PDIA5: variants seen among roughly 807,000 people sequenced by gnomAD.
PDIA5 encodes the protein protein disulfide isomerase family A member 5.
In PDIA5, 58 loss-of-function variants were observed where a neutral mutation model predicts 77.6. The observed-to-expected ratio is 0.75, with a 90% CI of 0.61 to 0.93. PDIA5 has a LOEUF of 0.93. Among genes scored for constraint, PDIA5 ranks in the 40% least tolerant of loss-of-function variants. The probability of loss-of-function intolerance (pLI) is 0.00; values close to 1 mark genes in which losing one functional copy is unlikely to be tolerated. For synonymous variants in PDIA5, 250 were observed against 252.1 expected, an observed-to-expected ratio of 0.99 and a Z score of 0.08; for missense variants, 630 against 647.7, an observed-to-expected ratio of 0.97 and a Z score of 0.30.
intron 5 of PDIA5, among the ~76,000 whole-genome samples, chr3:123,104,640 G>T (rs1160440216): frequency 6.6e-6 from 1 of 152,252 alleles, no homozygotes; most frequent in Non-Finnish European, 1.5e-5. Context: ...TCGAAGTGGG[G>T]AATGTCCCCT....
chr3:123,156,114 T>C (rs1023103469), intron 15 of PDIA5, among the ~76,000 whole-genome samples: 11 of 152,048 alleles, frequency 7.2e-5, no homozygotes, highest in Admixed American at 7.2e-4. Flanking sequence ...GGAGCAGAGA[T>C]ACAGGTGCTA....
In PDIA5 at chr3:123,125,482, G is replaced by A. The variant is rs558398381; in HGVS notation, c.773+1139G>A. Among the ~76,000 whole-genome samples, 14 of 152,226 alleles carry A rather than the reference G, an allele frequency of 9.2e-5. No homozygotes were observed. In the South Asian group the frequency reaches 2.7e-3, roughly 29 times the overall value. ...CCTGCAGCCCCGACAGTCCAACTTA[G>A]CCTCCTCAAGTTCTGCTCGGAGCCC... On this transcript the variant is annotated intron_variant, in intron 10 of 16. Transcript: ENST00000316218.
At chr3:123,089,978 G>A (rs991848528) in intron 2 of PDIA5, among the ~76,000 whole-genome samples, 1 of 152,358 alleles carries the variant, frequency 6.6e-6, no homozygotes, top group East Asian at 1.9e-4. Flanking sequence ...AGTTGTTCCA[G>A]CAGAGTTAAG....
chr3:123,143,093 G>T (rs1407073261), intron 11 of PDIA5, among the ~76,000 whole-genome samples: 1 of 152,124 alleles, frequency 6.6e-6, no homozygotes, highest in Non-Finnish European at 1.5e-5. Context: ...CCTTTAGAGA[G>T]TCACCATCTG....
intron 8 of PDIA5, among the ~76,000 whole-genome samples, chr3:123,123,762 C>T (rs190298966): frequency 2.0e-5 from 3 of 152,334 alleles, no homozygotes; most frequent in East Asian, 3.9e-4. Context: ...ATGGCAAGGC[C>T]CGGCTTCTTC....
rs1228853852 is a variant in PDIA5, at chr3:123,080,154, G to GT, written c.43-9013dup. Among the ~76,000 whole-genome samples the GT allele has an allele frequency of 2.7e-5, 4 of 149,928 alleles. No individual in the cohort carries two copies. In the East Asian group the frequency reaches 7.8e-4, roughly 29 times the overall value. ...GTGATAGGCTGACAGATGGGTGTGT[G>GT]TGTGGGGGGGATTTAACATTTCTAA... On this transcript the variant is annotated intron_variant, in intron 1 of 16. Coordinates refer to ENST00000316218, the MANE Select transcript of PDIA5 (RefSeq NM_006810.4).
intron 3 of PDIA5, among the ~76,000 whole-genome samples, chr3:123,100,859 G>C (rs1345141426): frequency 6.6e-6 from 1 of 152,244 alleles, no homozygotes; most frequent in Non-Finnish European, 1.5e-5. Flanking sequence ...TGGTGGAGGT[G>C]AGGCATGTAA....
chr3:123,156,383 G>A (rs1181815010), intron 15 of PDIA5, among the ~76,000 whole-genome samples: 2 of 152,154 alleles, frequency 1.3e-5, no homozygotes, highest in Non-Finnish European at 2.9e-5. Flanking sequence ...GACCAGAAGC[G>A]TTTTCTCCTC....
chr3:123,116,181 G>T, intron 7 of PDIA5, 50 bp from the exon 8 acceptor site: 1 of 1,498,176 alleles, frequency 6.7e-7, no homozygotes, highest in Non-Finnish European at 9.3e-7. Context: ...GGGTGCAAGG[G>T]CTCAGCCATC....
chr3:123,137,836 G>A (rs1409447933), intron 11 of PDIA5, among the ~76,000 whole-genome samples: 1 of 152,112 alleles, frequency 6.6e-6, no homozygotes, highest in Non-Finnish European at 1.5e-5. Context: ...GGTTGTTTAG[G>A]AAATTCTCCC....
rs370968904 is a variant in PDIA5 at position 123,117,374 on chromosome 3, TTATATATA to T, written c.609+1094_609+1101del. On this transcript the variant is annotated intron_variant, in intron 8 of 16. Transcript: ENST00000316218. ...CTTTCTACTTTCTGTTTCTATGATTTTATATATATATATATATATATATATTCTGTTTT... is the reference window on the plus strand; with the variant it reads ...CTTTCTACTTTCTGTTTCTATGATTTTATATATATATATATATTCTGTTTT... Among the ~76,000 whole-genome samples the T allele has an allele frequency of 1.9e-3, 151 of 79,876 alleles. 11 individuals are homozygous for T. The highest frequency in any genetic ancestry group is 6.3e-3 in the African/African-American group (131 of 20,782). 52.4% of individuals were successfully genotyped at this position (79,876 alleles called of 152,430 possible).
intron 6 of PDIA5, among the ~76,000 whole-genome samples, chr3:123,109,212 G>A (rs1934809551): frequency 6.6e-6 from 1 of 152,186 alleles, no homozygotes; most frequent in African/African-American, 2.4e-5. Context: ...CTAATAGAAT[G>A]TCCACATAAA....
At chr3:123,084,007 G>A (rs1934074447) in intron 1 of PDIA5, among the ~76,000 whole-genome samples, 2 of 151,904 alleles carry the variant, frequency 1.3e-5, no homozygotes, top group South Asian at 4.2e-4. Flanking sequence ...GACACAGAGG[G>A]GCCTTTCATC....
rs146940732 is a variant in PDIA5 at position 123,093,502 on chromosome 3, G to A, written c.257+1060G>A. Among the ~76,000 whole-genome samples, 575 of 152,338 alleles carry A rather than the reference G, an allele frequency of 3.8e-3. 4 individuals carry two copies. Among genetic ancestry groups the A allele is most frequent in the African/African-American group, 0.013 (547 of 41,580 alleles). ...CATATCTGAAGATGACAGCAGTTCT[G>A]CCAAGCTGATGGAGGCTTATTGTAG... On this transcript the variant is annotated intron_variant, in intron 3 of 16. Transcript: ENST00000316218.
intron 1 of PDIA5, 199 bp downstream of exon 1, chr3:123,067,405 C>T (rs1329440361): frequency 4.5e-6 from 2 of 443,516 alleles, no homozygotes; most frequent in Non-Finnish European, 7.4e-6. Context: ...CCGCCAAGCG[C>T]TCCCGGACGC....
intron 1 of PDIA5, among the ~76,000 whole-genome samples, chr3:123,078,866 G>A (rs1055689329): frequency 4.7e-4 from 71 of 152,280 alleles, no homozygotes; most frequent in African/African-American, 1.5e-3. Context: ...GGCACCTGAC[G>A]TCAATTTGAC....
intron 1 of PDIA5, 122 bp from the exon 2 acceptor site, chr3:123,089,046 G>T: frequency 1.2e-6 from 1 of 841,386 alleles, no homozygotes; most frequent in Non-Finnish European, 1.9e-6. Context: ...TGCATGAGAT[G>T]TGTTGGTTTG....
intron 13 of PDIA5, among the ~76,000 whole-genome samples, chr3:123,149,390 G>A (rs927518315): frequency 2.0e-5 from 3 of 152,228 alleles, no homozygotes; most frequent in Non-Finnish European, 4.4e-5. Context: ...CTCAGCTGGT[G>A]CAGGGGCTGT....
chr3:123,089,954 G>A (rs1235160740), intron 2 of PDIA5, among the ~76,000 whole-genome samples: 1 of 152,240 alleles, frequency 6.6e-6, no homozygotes, highest in African/African-American at 2.4e-5. Context: ...GAGGGTGAAC[G>A]CTGACTCTGT....
Sources: gnomAD v4.1 joint callset for allele counts (sites outside exome capture counted in the v4.1 genomes callset) on GRCh38, gnomAD v4.1.1 for gene constraint, MANE v1.5 for transcripts, NCBI Gene and HGNC (gene_info 2026-07-23, HGNC 2026-07-21) for gene names.